The following AIG1 variants were observed in gnomAD, a reference collection of about 807,000 sequenced individuals.
AIG1 encodes the protein androgen induced 1.
AIG1 carries 23 observed loss-of-function variants against 31.4 expected under a neutral mutation model. The observed-to-expected ratio is 0.73, with a 90% CI of 0.53 to 1.04. The LOEUF is 1.04. AIG1 is among the 50% of genes least tolerant of loss of function. AIG1 has a pLI of 0.00. For missense variants in AIG1, 274 were observed against 295.0 expected, an observed-to-expected ratio of 0.93 and a Z score of 0.52; for synonymous variants, 100 against 110.5, an observed-to-expected ratio of 0.90 and a Z score of 0.60.
rs1476846059 is a variant in AIG1, at chr6:143,328,099, T to C, written c.516-5183T>C. Reference sequence around the variant, plus strand: ...AATCCAAAAATTAGTGGTAGGGTAGTGAAGGGTGCACTGACAAAGGGAAGA... The same window carrying C: ...AATCCAAAAATTAGTGGTAGGGTAGCGAAGGGTGCACTGACAAAGGGAAGA... On this transcript the variant is annotated intron_variant, in intron 4 of 5. Coordinates refer to ENST00000357847, the MANE Select transcript of AIG1 (RefSeq NM_016108.4). The surrounding 1 kb of genome is among the most constrained non-coding windows in gnomAD (Gnocchi z 4.0). Among the ~76,000 whole-genome samples the C allele has an allele frequency of 6.6e-6, 1 of 152,068 alleles. No homozygotes were observed. The highest frequency in any genetic ancestry group is 1.5e-5 in the Non-Finnish European group (1 of 68,018).
intron 3 of AIG1, among the ~76,000 whole-genome samples, chr6:143,213,842 C>CA (rs376668394): frequency 2.0e-4 from 31 of 152,060 alleles, no homozygotes; most frequent in African/African-American, 7.5e-4. Context: ...GAGAAGACAA[C>CA]AATCTATGAG....
rs112474523 is a variant in AIG1 at position 143,280,448 on chromosome 6, A to G, written c.400-3662A>G. 9.6e-3 allele frequency among the ~76,000 whole-genome samples: 1,465 copies of G among 152,342 alleles called. 8 individuals carry two copies. The highest frequency in any genetic ancestry group is 0.017 in the Non-Finnish European group (1,149 of 68,026). ...AATGTTCATTGCAGCACCACTCACA[A>G]TAGCGAAAACATGGAATCAACCTAA... is the stretch of plus-strand genomic sequence containing the variant. On this transcript the variant is annotated intron_variant, in intron 3 of 5. Coordinates refer to ENST00000357847, the MANE Select transcript of AIG1 (RefSeq NM_016108.4). The surrounding 1 kb of genome is among the most constrained non-coding windows in gnomAD (Gnocchi z 4.1).
At chr6:143,324,886 T>G (rs1776479856) in intron 4 of AIG1, among the ~76,000 whole-genome samples, 1 of 152,204 alleles carries the variant, frequency 6.6e-6, no homozygotes, top group Non-Finnish European at 1.5e-5. Flanking sequence ...TCGACCTCAC[T>G]GCGCCCTCAA....
intron 1 of AIG1, among the ~76,000 whole-genome samples, chr6:143,133,683 G>A (rs1461199420): frequency 6.6e-6 from 1 of 152,056 alleles, no homozygotes; most frequent in Non-Finnish European, 1.5e-5. Flanking sequence ...TAGTCCAAAT[G>A]TCTAGTTGTT....
At chr6:143,312,073 C>T (rs1037526538) in intron 4 of AIG1, among the ~76,000 whole-genome samples, 15 of 151,812 alleles carry the variant, frequency 9.9e-5, no homozygotes, top group African/African-American at 2.4e-4. Context: ...ACACAAAAAG[C>T]GGAAGGATAT....
intron 3 of AIG1, among the ~76,000 whole-genome samples, chr6:143,261,043 G>A (rs1266966816): frequency 6.6e-6 from 1 of 152,138 alleles, no homozygotes; most frequent in African/African-American, 2.4e-5. Context: ...AAACCCACAA[G>A]CAAACAGCCT....
At chr6:143,133,282 C>T (rs1481002659) in intron 1 of AIG1, among the ~76,000 whole-genome samples, 2 of 151,904 alleles carry the variant, frequency 1.3e-5, no homozygotes, top group Non-Finnish European at 2.9e-5. Flanking sequence ...GCCTTTATTC[C>T]AGGGCTATGT....
intron 3 of AIG1, among the ~76,000 whole-genome samples, chr6:143,282,384 T>C (rs946121937): frequency 6.6e-6 from 1 of 152,204 alleles, no homozygotes; most frequent in Admixed American, 6.5e-5. Flanking sequence ...GAATTTTGCG[T>C]GAATGCACCA....
chr6:143,295,867 A>G lies in AIG1; in HGVS notation c.515+11642A>G, dbSNP rs1318157975. 5.3e-5 allele frequency among the ~76,000 whole-genome samples: 8 copies of G among 152,128 alleles called. No individual in the cohort carries two copies. The South Asian group carries it at 1.2e-3, about 24-fold the overall frequency. ...AGCAAGAAAGAGAATTAGCACTTCA[A>G]ATTATCTTAAAGAAAATAAAGAGGG... is the stretch of plus-strand genomic sequence containing the variant. On this transcript the variant is annotated intron_variant, in intron 4 of 5. Coordinates refer to ENST00000357847, the MANE Select transcript of AIG1 (RefSeq NM_016108.4).
intron 3 of AIG1, among the ~76,000 whole-genome samples, chr6:143,247,041 T>G (rs1207186843): frequency 1.3e-5 from 2 of 152,212 alleles, no homozygotes; most frequent in Non-Finnish European, 2.9e-5. Context: ...TCTGTCCCCA[T>G]GGAGTTATAG....
At chr6:143,222,861 C>T (rs1034585685) in intron 3 of AIG1, among the ~76,000 whole-genome samples, 1 of 152,182 alleles carries the variant, frequency 6.6e-6, no homozygotes, top group Non-Finnish European at 1.5e-5. Flanking sequence ...CAAAGCAGCT[C>T]CAAGCCTTCC....
intron 4 of AIG1, among the ~76,000 whole-genome samples, chr6:143,302,116 G>T (rs1431326335): frequency 4.0e-5 from 6 of 151,090 alleles, no homozygotes; most frequent in African/African-American, 9.7e-5. Context: ...AGTAATAAAA[G>T]TACAATATAA....
chr6:143,310,267 TA>T (rs899580802), intron 4 of AIG1, among the ~76,000 whole-genome samples: 1 of 151,766 alleles, frequency 6.6e-6, no homozygotes, highest in Non-Finnish European at 1.5e-5. Flanking sequence ...TTAACAGAGT[TA>T]AAAAAATAGA....
At chr6:143,272,272 A>C (rs895419706) in intron 3 of AIG1, among the ~76,000 whole-genome samples, 2 of 152,184 alleles carry the variant, frequency 1.3e-5, no homozygotes, top group Non-Finnish European at 2.9e-5. Flanking sequence ...AACTTACCCG[A>C]AGATAGTAAC....
chr6:143,306,767 G>A (rs1000277053), intron 4 of AIG1, among the ~76,000 whole-genome samples: 1 of 152,186 alleles, frequency 6.6e-6, no homozygotes, highest in Non-Finnish European at 1.5e-5. Context: ...GATTGGGGAA[G>A]TTCTCCTGGA....
In AIG1 at chr6:143,263,158, TG is replaced by T. The variant is rs554212740; in HGVS notation, c.400-20950del. Among the ~76,000 whole-genome samples, 121 of 152,346 alleles carry T rather than the reference TG, an allele frequency of 7.9e-4. No individual in the cohort carries two copies. The Middle Eastern group carries it at 0.014, about 17-fold the overall frequency. ...TTTGGCCTTTCCCCAGTATTGCTTA[TG>T]GTGACCAAGCATTTTTAAATGGTTC... On this transcript the variant is annotated intron_variant, in intron 3 of 5. Transcript: ENST00000357847.
At chr6:143,111,631 GTATA>G (rs1562387045) in intron 1 of AIG1, among the ~76,000 whole-genome samples, 1 of 152,126 alleles carries the variant, frequency 6.6e-6, no homozygotes, top group African/African-American at 2.4e-5. Context: ...CTACAAACAC[GTATA>G]TCCAACTACC....
chr6:143,113,101 T>G (rs1483532519), intron 1 of AIG1, among the ~76,000 whole-genome samples: 1 of 151,370 alleles, frequency 6.6e-6, no homozygotes, highest in African/African-American at 2.4e-5. Flanking sequence ...GGTGGGAAGA[T>G]GGCTTGAGCC....
chr6:143,216,396 T>C (rs550623939), intron 3 of AIG1, among the ~76,000 whole-genome samples: 1 of 152,332 alleles, frequency 6.6e-6, no homozygotes, highest in African/African-American at 2.4e-5. Context: ...AGGCAAGGCC[T>C]GTAGGAACTG....
Sources: gnomAD v4.1 joint callset for allele counts (sites outside exome capture counted in the v4.1 genomes callset) on GRCh38, gnomAD v4.1.1 for gene constraint, Gnocchi (gnomAD v3.1) non-coding constraint, MANE v1.5 for transcripts, NCBI Gene and HGNC (gene_info 2026-07-23, HGNC 2026-07-21) for gene names.